The following CDH4 variants were observed in gnomAD, a reference collection of about 807,000 sequenced individuals.
CDH4 encodes cadherin 4.
A neutral mutation model predicts 86.0 loss-of-function variants in CDH4; 33 were observed. The observed-to-expected ratio is 0.38, with a 90% CI of 0.29 to 0.51. The LOEUF (loss-of-function observed/expected upper bound fraction) is 0.51, where lower values mean the gene tolerates loss of function less well. Ranked by LOEUF, CDH4 falls within the 20% of genes least tolerant of loss-of-function variation. CDH4 has a pLI of 0.86. For missense variants in CDH4, 1,114 were observed against 1,307.4 expected (o/e 0.85, Z 2.28); for synonymous variants, 555 against 549.4 (o/e 1.01, Z -0.14).
chr20:61,496,401 C>CA (rs71944747), intron 2 of CDH4, among the ~76,000 whole-genome samples: 104 of 145,618 alleles, frequency 7.1e-4, no homozygotes, highest in Middle Eastern at 3.5e-3. Flanking sequence ...TACCCTGTCT[C>CA]AAAAAAAAAA....
intron 2 of CDH4, among the ~76,000 whole-genome samples, chr20:61,514,317 C>CA (rs2085802401): frequency 7.0e-6 from 1 of 142,970 alleles, no homozygotes; most frequent in Admixed American, 6.9e-5. Flanking sequence ...CCCCCCCCGC[C>CA]CCCCCCCACC....
chr20:61,334,529 C>T (rs1339986147), intron 2 of CDH4, among the ~76,000 whole-genome samples: 1 of 152,210 alleles, frequency 6.6e-6, no homozygotes, highest in Non-Finnish European at 1.5e-5. Context: ...AAGGCACCAG[C>T]AGTTCGGCAT....
At chr20:61,539,191 C>G (rs1467445674) in intron 2 of CDH4, among the ~76,000 whole-genome samples, 1 of 152,310 alleles carries the variant, frequency 6.6e-6, no homozygotes, top group East Asian at 1.9e-4. Flanking sequence ...TGCCTCTGGC[C>G]TCCTGTTCTC....
At chr20:61,281,033 A>G (rs1404555272) in intron 2 of CDH4, among the ~76,000 whole-genome samples, 1 of 152,216 alleles carries the variant, frequency 6.6e-6, no homozygotes, top group Non-Finnish European at 1.5e-5. Context: ...TTATTAAAGG[A>G]AACTAGGAGG....
chr20:61,686,681 TTG>T (rs199532663), intron 2 of CDH4, among the ~76,000 whole-genome samples: 1 of 137,982 alleles, frequency 7.2e-6, no homozygotes, highest in African/African-American at 2.7e-5. Context: ...GCGTGTGCAT[TTG>T]TGTGTGCATG....
At chr20:61,492,090 G>T (rs1030908545) in intron 2 of CDH4, among the ~76,000 whole-genome samples, 1 of 149,258 alleles carries the variant, frequency 6.7e-6, no homozygotes, top group Non-Finnish European at 1.5e-5. Context: ...TGATGGTGTT[G>T]ATGGTGGTGG....
At chr20:61,828,745 C>T (rs1048372449) in intron 4 of CDH4, among the ~76,000 whole-genome samples, 21 of 152,356 alleles carry the variant, frequency 1.4e-4, no homozygotes, top group Middle Eastern at 3.4e-3. Context: ...CCTCTCTGTG[C>T]CTCTGCTTCC....
At chr20:61,472,760 C>A (rs1262945541) in intron 2 of CDH4, among the ~76,000 whole-genome samples, 1 of 152,160 alleles carries the variant, frequency 6.6e-6, no homozygotes, top group African/African-American at 2.4e-5. Context: ...GTTCTGCTAA[C>A]TACAACATTT....
intron 2 of CDH4, among the ~76,000 whole-genome samples, chr20:61,386,483 C>A (rs1218012815): frequency 6.7e-6 from 1 of 149,684 alleles, no homozygotes; most frequent in Non-Finnish European, 1.5e-5. Flanking sequence ...CTGGCATGCA[C>A]TGAACCCGTA....
rs139817389 is a variant in CDH4, at chr20:61,305,053, T to A, written c.169+50116T>A. Among the ~76,000 whole-genome samples, 1,402 of 151,894 alleles carry A rather than the reference T, an allele frequency of 9.2e-3. 23 individuals are homozygous for A. The highest frequency in any genetic ancestry group is 0.032 in the African/African-American group (1,316 of 41,400). On this transcript the variant is annotated intron_variant, in intron 2 of 15. Coordinates refer to ENST00000614565, the MANE Select transcript of CDH4 (RefSeq NM_001794.5). The stretch of plus-strand genomic sequence containing the variant: ...TGTATGTGTGTGTGTTCTGTGCGTG[T>A]GTTGTGTATGTGCAGTGTGTTGTGT...
chr20:61,656,486 G>T (rs2087192725), intron 2 of CDH4, among the ~76,000 whole-genome samples: 2 of 152,150 alleles, frequency 1.3e-5, no homozygotes, highest in Non-Finnish European at 2.9e-5. Context: ...GGGTGGGCAG[G>T]TGCATGCTGG....
chr20:61,593,239 G>C (rs1032012287), intron 2 of CDH4, among the ~76,000 whole-genome samples: 1 of 152,212 alleles, frequency 6.6e-6, no homozygotes, highest in Non-Finnish European at 1.5e-5. Flanking sequence ...GTCCGTCCTT[G>C]CCTGGGCTGA....
At chr20:61,353,764 C>CTCCCCCTCCCCCTCCT (rs2084730315) in intron 2 of CDH4, among the ~76,000 whole-genome samples, 1 of 141,776 alleles carries the variant, frequency 7.1e-6, no homozygotes, top group African/African-American at 2.6e-5. Context: ...ATGATTCACC[C>CTCCCCCTCCCCCTCCT]CAGTTCACCT....
At chr20:61,660,327 A>T (rs2087239507) in intron 2 of CDH4, among the ~76,000 whole-genome samples, 1 of 152,192 alleles carries the variant, frequency 6.6e-6, no homozygotes. Flanking sequence ...TCAAACAAAG[A>T]GTGTTTAATA....
At chr20:61,416,103 G>A (rs1172624501) in intron 2 of CDH4, among the ~76,000 whole-genome samples, 2 of 150,302 alleles carry the variant, frequency 1.3e-5, no homozygotes, top group Non-Finnish European at 2.9e-5. Context: ...CTGGGTTTAA[G>A]CAATTCTCCT....
intron 14 of CDH4, 39 bp from the exon 15 acceptor site, chr20:61,934,017 C>A (rs2055146819): frequency 6.2e-7 from 1 of 1,605,466 alleles, no homozygotes; most frequent in Non-Finnish European, 8.5e-7. Context: ...CTGGCGGATT[C>A]TTCTGATGCC....
At chr20:61,706,767 G>T (rs138781813) in intron 2 of CDH4, among the ~76,000 whole-genome samples, 1 of 152,206 alleles carries the variant, frequency 6.6e-6, no homozygotes, top group African/African-American at 2.4e-5. Flanking sequence ...GAATCTCACC[G>T]GAACTGGCTC....
At chr20:61,784,846 C>T (rs866806675) in intron 4 of CDH4, among the ~76,000 whole-genome samples, 31 of 152,300 alleles carry the variant, frequency 2.0e-4, no homozygotes, top group African/African-American at 6.0e-4. Context: ...AGTCCCTTTG[C>T]AGCTCTGGAT....
intron 4 of CDH4, among the ~76,000 whole-genome samples, chr20:61,789,564 T>C (rs150954914): frequency 6.8e-4 from 104 of 152,312 alleles, no homozygotes; most frequent in African/African-American, 2.4e-3. Flanking sequence ...AGGAATTTTC[T>C]ACACACATAA....
Sources: gnomAD v4.1 joint callset for allele counts (sites outside exome capture counted in the v4.1 genomes callset) on GRCh38, gnomAD v4.1.1 for gene constraint, MANE v1.5 for transcripts, NCBI Gene and HGNC (gene_info 2026-07-23, HGNC 2026-07-21) for gene names.